Variants in ODAD2 observed in about 807,000 individuals in gnomAD.
The protein encoded by ODAD2 is outer dynein arm docking complex subunit 2.
A neutral mutation model predicts 106.8 loss-of-function variants in ODAD2; 89 were observed. The ratio of observed to expected loss-of-function variants is 0.83; its 90% CI spans 0.70 to 0.99. The LOEUF (loss-of-function observed/expected upper bound fraction) is 0.99. ODAD2 is among the 50% of genes least tolerant of loss of function. The pLI is 0.00. For synonymous variants in ODAD2, 404 were observed against 436.2 expected, an observed-to-expected ratio of 0.93 and a Z score of 0.92; for missense variants, 1,168 against 1,238.5, an observed-to-expected ratio of 0.94 and a Z score of 0.85.
chr10:27,986,954 A>G (rs1313083291), intron 3 of ODAD2, among the ~76,000 whole-genome samples: 1 of 152,222 alleles, frequency 6.6e-6, no homozygotes, highest in Admixed American at 6.5e-5. Context: ...AAGAGCCTAC[A>G]TTCATTTTAA....
chr10:27,838,777 T>C (rs1469556278), intron 19 of ODAD2, among the ~76,000 whole-genome samples: 1 of 152,202 alleles, frequency 6.6e-6, no homozygotes, highest in Non-Finnish European at 1.5e-5. Flanking sequence ...TTTGTGTATT[T>C]TTGACCCTCC....
At chr10:27,973,963 A>G (rs1490769966) in intron 7 of ODAD2, among the ~76,000 whole-genome samples, 2 of 152,178 alleles carry the variant, frequency 1.3e-5, no homozygotes, top group Non-Finnish European at 2.9e-5. Flanking sequence ...TGACTTTTTA[A>G]TAACAGCCAT....
intron 14 of ODAD2, 34 bp downstream of exon 14, chr10:27,939,863 G>A (rs1564526037): frequency 7.2e-7 from 1 of 1,385,500 alleles, no homozygotes; most frequent in Middle Eastern, 1.8e-4. Context: ...ATGTGAGAAA[G>A]AACGCCAACA....
At chr10:27,834,853 T>C (rs1218168777) in intron 19 of ODAD2, among the ~76,000 whole-genome samples, 2 of 152,188 alleles carry the variant, frequency 1.3e-5, no homozygotes, top group African/African-American at 2.4e-5. Flanking sequence ...ACCTAAGTCA[T>C]AGAGTCTCCA....
chr10:27,912,294 A>G (rs1171061606), intron 16 of ODAD2, among the ~76,000 whole-genome samples: 4 of 152,216 alleles, frequency 2.6e-5, no homozygotes, highest in Non-Finnish European at 5.9e-5. Context: ...TATAAAAACA[A>G]AACTGAATTA....
chr10:27,950,857 C>T (rs939129196), intron 10 of ODAD2, among the ~76,000 whole-genome samples: 2 of 151,984 alleles, frequency 1.3e-5, no homozygotes, highest in South Asian at 2.1e-4. Context: ...ATATAATTAT[C>T]TTACTAAAAA....
chr10:27,883,345 A>C (rs1269697854), intron 17 of ODAD2, among the ~76,000 whole-genome samples: 1 of 152,200 alleles, frequency 6.6e-6, no homozygotes. Flanking sequence ...TTACAGAATT[A>C]GCCCAAGATA....
At chr10:27,874,315 C>T (rs576724113) in intron 17 of ODAD2, among the ~76,000 whole-genome samples, 291 of 152,274 alleles carry the variant, frequency 1.9e-3, no homozygotes, top group Non-Finnish European at 3.1e-3. Context: ...ACCCACTTTG[C>T]CAGTCTGTGT....
intron 19 of ODAD2, among the ~76,000 whole-genome samples, chr10:27,855,223 A>G (rs1411184715): frequency 6.6e-6 from 1 of 152,208 alleles, no homozygotes; most frequent in Non-Finnish European, 1.5e-5. Context: ...TGAAATAAGA[A>G]AAGCATTTGA....
chr10:27,913,857 A>G (rs1844181046), intron 16 of ODAD2, among the ~76,000 whole-genome samples: 1 of 152,206 alleles, frequency 6.6e-6, no homozygotes, highest in African/African-American at 2.4e-5. Context: ...GGTTGTGGAG[A>G]AAAGGGAAAG....
At chr10:27,875,635 T>A (rs1841279129) in intron 17 of ODAD2, among the ~76,000 whole-genome samples, 1 of 152,040 alleles carries the variant, frequency 6.6e-6, no homozygotes, top group Non-Finnish European at 1.5e-5. Flanking sequence ...AGAAGACAGG[T>A]GATTTCTGCA....
intron 19 of ODAD2, among the ~76,000 whole-genome samples, chr10:27,854,851 G>A (rs1175306603): frequency 6.6e-6 from 1 of 152,120 alleles, no homozygotes; most frequent in Non-Finnish European, 1.5e-5. Flanking sequence ...AGTTGATTGA[G>A]CCACATAAGA....
intron 17 of ODAD2, among the ~76,000 whole-genome samples, chr10:27,885,507 C>A (rs1295119865): frequency 4.8e-4 from 6 of 12,438 alleles, no homozygotes; most frequent in South Asian, 2.6e-3. Context: ...GAGACTCCAT[C>A]TCAAAAAAAA....
intron 1 of ODAD2, among the ~76,000 whole-genome samples, chr10:27,996,378 G>A (rs991376791): frequency 2.6e-5 from 4 of 152,110 alleles, no homozygotes; most frequent in African/African-American, 9.7e-5. Flanking sequence ...ATCACTGGAT[G>A]GCAACAGGGC....
Position 27,944,365 on chromosome 10 carries a change from G to T in ODAD2, c.1600C>A (p.Leu534Ile). 6.2e-7 allele frequency: 1 copy of T among 1,613,910 alleles called. No homozygotes were observed. ...NPQIRQNIVD[L>I]GGLPIMVNIL... ...TTCACCATAATTGGTAAGCCCCCAA[G>T]GTCAACAATATTCTGTCTGATTTGA... Residue 534 changes from leucine (L) to isoleucine (I), a missense_variant, in exon 12 of 20, where the codon CTT becomes ATT. By Grantham distance (5) the Leu-to-Ile change is conservative. Around this residue, in one of 3 missense-constraint regions of ODAD2, gnomAD observed 701 missense variants for 712.3 expected, o/e 0.98. Coordinates refer to ENST00000305242, the MANE Select transcript of ODAD2 (RefSeq NM_018076.5).
chr10:27,936,031 C>T (rs1440247225), intron 15 of ODAD2, among the ~76,000 whole-genome samples: 3 of 151,966 alleles, frequency 2.0e-5, no homozygotes, highest in Non-Finnish European at 2.9e-5. Context: ...TTCCATTAGC[C>T]GAGGTTACTT....
intron 10 of ODAD2, among the ~76,000 whole-genome samples, chr10:27,953,384 T>C (rs1233795733): frequency 1.3e-5 from 2 of 152,128 alleles, no homozygotes; most frequent in African/African-American, 4.8e-5. Flanking sequence ...GAACTCCCTA[T>C]TACTGCTATC....
intron 19 of ODAD2, among the ~76,000 whole-genome samples, chr10:27,826,588 G>C (rs988663543): frequency 1.3e-5 from 2 of 151,896 alleles, no homozygotes; most frequent in Admixed American, 1.3e-4. Context: ...ACAGATTCCC[G>C]CTGCAAGTGC....
intron 13 of ODAD2, among the ~76,000 whole-genome samples, 176 bp from the exon 14 acceptor site, chr10:27,940,183 TTGTG>T (rs560508452): frequency 6.6e-6 from 1 of 151,722 alleles, no homozygotes; most frequent in Non-Finnish European, 1.5e-5. Context: ...ATATGTGTGT[TTGTG>T]TGTGTGTATA....
Sources: allele counts gnomAD v4.1 joint callset (sites outside exome capture counted in the v4.1 genomes callset), GRCh38; gene constraint gnomAD v4.1.1; regional missense constraint gnomAD v4.1.1; transcripts MANE v1.5; gene names NCBI Gene and HGNC (gene_info 2026-07-23, HGNC 2026-07-21).